CDC42SE2: variants seen among roughly 807,000 people sequenced by gnomAD.
CDC42SE2 encodes CDC42 small effector protein 2.
A neutral mutation model predicts 11.5 loss-of-function variants in CDC42SE2; 3 were observed. That is an observed-to-expected ratio of 0.26 (90% CI 0.12 to 0.67). The LOEUF is 0.67. Among genes scored for constraint, CDC42SE2 ranks in the 30% least tolerant of loss-of-function variants. CDC42SE2 has a pLI of 0.80. For missense variants in CDC42SE2, 82 were observed against 106.8 expected, an observed-to-expected ratio of 0.77 and a Z score of 1.02; for synonymous variants, 33 against 34.8, an observed-to-expected ratio of 0.95 and a Z score of 0.18.
chr5:131,253,694 G>A (rs1384618338), intron 1 of CDC42SE2, among the ~76,000 whole-genome samples: 1 of 152,164 alleles, frequency 6.6e-6, no homozygotes, highest in Non-Finnish European at 1.5e-5. Flanking sequence ...GAACCCAGGA[G>A]GCGGAGGTTG....
chr5:131,316,734 G>C (rs762751581), intron 2 of CDC42SE2, among the ~76,000 whole-genome samples: 3 of 152,142 alleles, frequency 2.0e-5, no homozygotes, highest in Non-Finnish European at 4.4e-5. Context: ...GAAGGAGGGA[G>C]AACCAAGGGA....
the CDC42SE2 span, among the ~76,000 whole-genome samples, chr5:131,218,017 T>C: frequency 5.3e-5 from 8 of 151,586 alleles, no homozygotes; most frequent in African/African-American, 1.9e-4. Flanking sequence ...CCTACAAAAA[T>C]TGCAAAAATT....
intron 1 of CDC42SE2, among the ~76,000 whole-genome samples, chr5:131,297,686 C>T (rs1278897823): frequency 6.6e-6 from 1 of 151,810 alleles, no homozygotes; most frequent in Non-Finnish European, 1.5e-5. Context: ...TGCCACTGCA[C>T]TCCAGCCTGG....
intron 2 of CDC42SE2, among the ~76,000 whole-genome samples, chr5:131,341,034 G>T (rs1758699595): frequency 6.6e-6 from 1 of 152,164 alleles, no homozygotes; most frequent in African/African-American, 2.4e-5. Flanking sequence ...TGAGAGGCAA[G>T]AAGCAATAAT....
chr5:131,384,534 T>C (rs188997957), intron 3 of CDC42SE2, among the ~76,000 whole-genome samples: 2 of 152,326 alleles, frequency 1.3e-5, no homozygotes, highest in Admixed American at 1.3e-4. Context: ...AGCCCCATAG[T>C]AGGACACTAA....
At chr5:131,242,127 A>G (rs181938512), upstream of CDC42SE2, among the ~76,000 whole-genome samples, 2 of 152,232 alleles carry the variant, frequency 1.3e-5, no homozygotes, top group Non-Finnish European at 2.9e-5. Context: ...ACATCACACA[A>G]CTATTATTTA....
intron 1 of CDC42SE2, among the ~76,000 whole-genome samples, chr5:131,272,572 A>G (rs1001511106): frequency 1.3e-5 from 2 of 152,078 alleles, no homozygotes; most frequent in African/African-American, 4.8e-5. Context: ...TTTTAAGGAC[A>G]TTGCATTGCT....
At chr5:131,333,802 C>T (rs1222963486) in intron 2 of CDC42SE2, among the ~76,000 whole-genome samples, 2 of 152,136 alleles carry the variant, frequency 1.3e-5, no homozygotes, top group Non-Finnish European at 2.9e-5. Context: ...GTGATTTTTG[C>T]ACATTGATTT....
the CDC42SE2 span, among the ~76,000 whole-genome samples, chr5:131,232,242 T>C: frequency 6.6e-6 from 1 of 152,064 alleles, no homozygotes; most frequent in East Asian, 1.9e-4. Flanking sequence ...GCCTCCCTAG[T>C]AGCTGGGACT....
the CDC42SE2 span, among the ~76,000 whole-genome samples, chr5:131,239,159 C>CA: frequency 6.7e-5 from 9 of 134,142 alleles, no homozygotes; most frequent in Middle Eastern, 3.7e-3. Flanking sequence ...GACTCTGTCT[C>CA]AAAAAAAAAT....
chr5:131,277,467 A>G (rs1757127290), intron 1 of CDC42SE2, among the ~76,000 whole-genome samples: 1 of 152,248 alleles, frequency 6.6e-6, no homozygotes. Flanking sequence ...CAGTACATTT[A>G]TCAAACTACT....
intron 1 of CDC42SE2, among the ~76,000 whole-genome samples, chr5:131,267,121 C>T (rs532670390): frequency 6.8e-6 from 1 of 146,444 alleles, no homozygotes; most frequent in South Asian, 2.1e-4. Context: ...GTGGCGCGAT[C>T]TCGGCTCACT....
chr5:131,293,999 C>T lies in CDC42SE2; in HGVS notation c.-454-21977C>T, dbSNP rs182502336. 3.9e-3 allele frequency among the ~76,000 whole-genome samples: 595 copies of T among 152,210 alleles called. 2 individuals are homozygous for T. The highest frequency in any genetic ancestry group is 5.9e-3 in the Non-Finnish European group (399 of 68,018). On this transcript the variant is annotated intron_variant, in intron 1 of 4. Transcript: ENST00000505065. ...GGCATTTCAGGACCCCCTGTATTTA[C>T]TGGAAGTAATGTCACACTGAGCCAC...
chr5:131,216,134 G>T, the CDC42SE2 span, among the ~76,000 whole-genome samples: 1 of 152,158 alleles, frequency 6.6e-6, no homozygotes, highest in Non-Finnish European at 1.5e-5. Context: ...CCTGACTCCT[G>T]ATTGGTTTAT....
the CDC42SE2 span, among the ~76,000 whole-genome samples, chr5:131,237,600 G>A: frequency 6.6e-6 from 1 of 151,940 alleles, no homozygotes; most frequent in African/African-American, 2.4e-5. Flanking sequence ...TTATCTTTGA[G>A]ACAGGGTTTC....
chr5:131,290,362 T>G (rs1365259706), intron 1 of CDC42SE2, among the ~76,000 whole-genome samples: 1 of 152,210 alleles, frequency 6.6e-6, no homozygotes, highest in Non-Finnish European at 1.5e-5. Flanking sequence ...CAGCTTATCT[T>G]CTGCCTTAAT....
chr5:131,306,298 G>C (rs980276600), intron 1 of CDC42SE2, among the ~76,000 whole-genome samples: 3 of 152,076 alleles, frequency 2.0e-5, no homozygotes, highest in African/African-American at 7.2e-5. Flanking sequence ...CTATCTGCAG[G>C]GGGTCTTGGA....
At chr5:131,365,936 T>C (rs1426335033) in intron 3 of CDC42SE2, among the ~76,000 whole-genome samples, 1 of 152,020 alleles carries the variant, frequency 6.6e-6, no homozygotes, top group Admixed American at 6.5e-5. Context: ...GAGTGGAGAT[T>C]GCGCCACTGC....
chr5:131,347,677 C>G (rs1368022537), intron 2 of CDC42SE2, among the ~76,000 whole-genome samples: 1 of 152,128 alleles, frequency 6.6e-6, no homozygotes, highest in East Asian at 1.9e-4. Context: ...GATACTAAAG[C>G]CTGGCAGAGA....
Sources: allele counts gnomAD v4.1 joint callset (sites outside exome capture counted in the v4.1 genomes callset), GRCh38; gene constraint gnomAD v4.1.1; transcripts MANE v1.5; gene names NCBI Gene and HGNC (gene_info 2026-07-23, HGNC 2026-07-21).